ZNF527: variants seen among roughly 807,000 people sequenced by gnomAD.
ZNF527 encodes the protein zinc finger protein 527.
ZNF527 carries 5 observed loss-of-function variants against 13.5 expected under a neutral mutation model. The ratio of observed to expected loss-of-function variants is 0.37; its 90% CI spans 0.19 to 0.78. The LOEUF (loss-of-function observed/expected upper bound fraction) is 0.78, where lower values mean the gene tolerates loss of function less well. Among genes scored for constraint, ZNF527 ranks in the 30% least tolerant of loss-of-function variants. The pLI is 0.48. For synonymous variants in ZNF527, 209 were observed against 243.1 expected (o/e 0.86, Z 1.30); for missense variants, 628 against 726.4 (o/e 0.86, Z 1.56).
In ZNF527 at chr19:37,392,052, ATATT is replaced by A. The variant is rs1446615209; in HGVS notation, c.*2174_*2177del. ...AAAATCTGAAAATTATTTTTCATAAATATTCAAATTCCCTTTAAACAGCTTAAAA... is the reference window on the plus strand; with the variant it reads ...AAAATCTGAAAATTATTTTTCATAAACAAATTCCCTTTAAACAGCTTAAAA... On this transcript the variant is annotated 3_prime_UTR_variant, in exon 5 of 5. Transcript: ENST00000436120. The A allele has an allele frequency of 5.3e-5, 8 of 152,220 alleles. No individual in the cohort carries two copies. The highest frequency in any genetic ancestry group is 1.0e-4 in the Non-Finnish European group (7 of 68,042). The allele number at this position is 152,220 out of a possible 1,614,324, so 9.4% of individuals were successfully genotyped here. A position where few individuals can be genotyped will look rare whatever the true frequency, so the allele number is the denominator to read the frequency against.
In ZNF527 at chr19:37,389,205, T is replaced by C; in HGVS notation, c.1156T>C (p.Tyr386His). ...GAGAATTCACACAGGTGAGAAACCA[T>C]ATGAATGTAAAGAATGTAATAAAGC... Reference protein sequence around the residue: ...HQRIHTGEKPYECKECNKAFR... With the variant: ...HQRIHTGEKPHECKECNKAFR... Residue 386 changes from tyrosine to histidine, a missense_variant, in exon 5 of 5, where the codon TAT becomes CAT. Physicochemically the swap from Tyr to His is moderately conservative, Grantham distance 83 (BLOSUM62 2). Transcript: ENST00000436120. 1.9e-6 allele frequency: 3 copies of C among 1,614,166 alleles called. No individual in the cohort carries two copies. Among genetic ancestry groups the C allele is most frequent in the Non-Finnish European group, 8.5e-7 (1 of 1,180,030 alleles).
chr19:37,375,947 A>C (rs1370382742), intron 2 of ZNF527, among the ~76,000 whole-genome samples: 1 of 152,200 alleles, frequency 6.6e-6, no homozygotes, highest in African/African-American at 2.4e-5. Flanking sequence ...CTGAGAACTC[A>C]CCGTTGGATT....
intron 2 of ZNF527, among the ~76,000 whole-genome samples, chr19:37,375,294 C>CT (rs1305545666): frequency 0.014 from 1,459 of 103,922 alleles, 13 homozygotes; most frequent in African/African-American, 0.027. Context: ...TTCTTTCTTT[C>CT]TTTCTTTCTT....
Position 37,380,293 on chromosome 19 carries a change from G to T in ZNF527, c.177G>T (p.Lys59Asn). The T allele has an allele frequency of 6.2e-7, 1 of 1,614,012 alleles. No homozygotes were observed. Among genetic ancestry groups the T allele is most frequent in the Non-Finnish European group, 8.5e-7 (1 of 1,179,950 alleles). Residue 59 changes from lysine to asparagine, a missense_variant, in exon 4 of 5, where the codon AAG becomes AAT. Physicochemically the swap from Lys to Asn is moderately conservative, Grantham distance 94. Coordinates refer to ENST00000436120, the MANE Select transcript of ZNF527 (RefSeq NM_032453.2). ...NLVWLGLSIS[K>N]PNMISLLEQG... ...TGTGAACAGGACTCTCCATTTCTAAGCCCAACATGATCTCCTTACTGGAGC... is the reference window on the plus strand; with the variant it reads ...TGTGAACAGGACTCTCCATTTCTAATCCCAACATGATCTCCTTACTGGAGC...
chr19:37,374,637 A>C (rs2040584715), intron 2 of ZNF527, among the ~76,000 whole-genome samples: 1 of 152,174 alleles, frequency 6.6e-6, no homozygotes, highest in Admixed American at 6.5e-5. Context: ...AAGGAGTACA[A>C]AGTTATTATG....
chr19:37,374,138 C>T lies in ZNF527; in HGVS notation c.-41-20C>T. On this transcript the variant is annotated intron_variant, in intron 1 of 4. Coordinates refer to ENST00000436120, the MANE Select transcript of ZNF527 (RefSeq NM_032453.2). Reference sequence around the variant, plus strand: ...CAGGGCTGGCACATCATCATTTCTTCATTAACTCTCCCTTCTCAGGACTTT... The same window carrying T: ...CAGGGCTGGCACATCATCATTTCTTTATTAACTCTCCCTTCTCAGGACTTT... 1 of 1,535,676 alleles carries T rather than the reference C, an allele frequency of 6.5e-7. No individual in the cohort carries two copies. The highest frequency in any genetic ancestry group is 9.0e-7 in the Non-Finnish European group (1 of 1,109,230).
chr19:37,373,174 G>C (rs2040572636), intron 1 of ZNF527, among the ~76,000 whole-genome samples: 1 of 152,178 alleles, frequency 6.6e-6, no homozygotes. Flanking sequence ...ATGAGATAAT[G>C]ACACAATGAG....
chr19:37,389,710 A>T lies in ZNF527; in HGVS notation c.1661A>T (p.Tyr554Phe). 2 of 1,613,802 alleles carry T rather than the reference A, an allele frequency of 1.2e-6. No individual in the cohort carries two copies. The highest frequency in any genetic ancestry group is 1.7e-6 in the Non-Finnish European group (2 of 1,179,946). The stretch of plus-strand genomic sequence containing the variant: ...AGAATTCATACTGGAGAGAAACCCT[A>T]TGAATGTAGTGAATGTGGGAAGGCT... ...HQRIHTGEKP[Y>F]ECSECGKAFH... The change falls in exon 5 of 5, where the codon TAT (tyrosine) becomes TTT (phenylalanine). Residue 554 changes from tyrosine (Y) to phenylalanine (F), a missense_variant. Tyr to Phe is a conservative substitution (Grantham distance 22). This residue lies in a region of ZNF527 where 592 missense variants were observed against 678.0 expected (regional missense o/e 0.87). Coordinates refer to ENST00000436120, the MANE Select transcript of ZNF527 (RefSeq NM_032453.2).
chr19:37,380,886 C>T (rs1307431967), intron 4 of ZNF527, among the ~76,000 whole-genome samples: 2 of 152,008 alleles, frequency 1.3e-5, no homozygotes, highest in Non-Finnish European at 2.9e-5. Flanking sequence ...TTTTGGTGTT[C>T]CCTTCATGTC....
rs1417067535 is a variant in ZNF527 at position 37,392,343 on chromosome 19, C to G, written c.*2464C>G. Reference sequence around the variant, plus strand: ...TTACCAAACTTGAAGAAGAATGACTCAGATCAGTAAGAAGAGTCTGAGTTA... The same window carrying G: ...TTACCAAACTTGAAGAAGAATGACTGAGATCAGTAAGAAGAGTCTGAGTTA... On this transcript the variant is annotated 3_prime_UTR_variant, in exon 5 of 5. Transcript: ENST00000436120. 1 of 152,102 alleles carries G rather than the reference C, an allele frequency of 6.6e-6. No homozygotes were observed. Among genetic ancestry groups the G allele is most frequent in the African/African-American group, 2.4e-5 (1 of 41,412 alleles). 9.4% of individuals were successfully genotyped at this position (152,102 alleles called of 1,614,324 possible).
intron 4 of ZNF527, chr19:37,385,096 G>A (rs907105312): frequency 2.1e-5 from 10 of 482,964 alleles, no homozygotes; most frequent in Non-Finnish European, 3.7e-5. Context: ...AAACTGTTGG[G>A]ATTACTGGCA....
chr19:37,373,707 C>A (rs1191038143), intron 1 of ZNF527, among the ~76,000 whole-genome samples: 1 of 152,126 alleles, frequency 6.6e-6, no homozygotes, highest in Non-Finnish European at 1.5e-5. Flanking sequence ...GAAGGGACAC[C>A]TGAATGCAGA....
chr19:37,374,452 T>C (rs546406255), intron 2 of ZNF527, among the ~76,000 whole-genome samples: 91 of 152,284 alleles, frequency 6.0e-4, no homozygotes, highest in African/African-American at 2.2e-3. Context: ...TGGATGATGA[T>C]TTGTTGAGTC....
intron 1 of ZNF527, among the ~76,000 whole-genome samples, chr19:37,372,541 C>T (rs1048950849): frequency 2.3e-5 from 3 of 132,520 alleles, no homozygotes; most frequent in Non-Finnish European, 4.6e-5. Context: ...GGTGCAATCT[C>T]GGCTCACAGC....
Position 37,388,746 on chromosome 19 carries a change from C to A in ZNF527, c.697C>A (p.Leu233Ile). 1 of 1,612,776 alleles carries A rather than the reference C, an allele frequency of 6.2e-7. No individual in the cohort carries two copies. The highest frequency in any genetic ancestry group is 8.5e-7 in the Non-Finnish European group (1 of 1,179,752). The change falls in exon 5 of 5, where the codon CTT (leucine) becomes ATT (isoleucine). Residue 233 changes from leucine to isoleucine, a missense_variant. Leu to Ile is a conservative substitution (Grantham distance 5). Coordinates refer to ENST00000436120, the MANE Select transcript of ZNF527 (RefSeq NM_032453.2). ...ECEEFNQSTY[L>I]SKDIGIPPGE... ...TGAAGAATTCAACCAGAGTACGTAC[C>A]TTAGTAAAGATATAGGAATTCCTCC...
intron 4 of ZNF527, chr19:37,385,211 G>T: frequency 4.3e-6 from 2 of 460,872 alleles, no homozygotes; most frequent in Non-Finnish European, 7.6e-6. Context: ...TGTTTTAGTT[G>T]TTTTTTCTCA....
chr19:37,379,440 C>G, intron 3 of ZNF527, 194 bp downstream of exon 3: 1 of 395,756 alleles, frequency 2.5e-6, no homozygotes, highest in Non-Finnish European at 4.3e-6. Context: ...GGCAGACATT[C>G]TGAACACATG....
At chr19:37,374,674 G>T (rs1311396554) in intron 2 of ZNF527, among the ~76,000 whole-genome samples, 1 of 152,230 alleles carries the variant, frequency 6.6e-6, no homozygotes, top group Non-Finnish European at 1.5e-5. Context: ...TGTATTCCAG[G>T]AATAGCAATG....
intron 3 of ZNF527, 85 bp from the exon 4 acceptor site, chr19:37,380,192 G>A: frequency 2.6e-6 from 4 of 1,556,152 alleles, no homozygotes; most frequent in Non-Finnish European, 3.5e-6. Flanking sequence ...TATTGGGTCT[G>A]CGTCCTAGAC....
Sources: gnomAD v4.1 joint callset for allele counts (sites outside exome capture counted in the v4.1 genomes callset) on GRCh38, gnomAD v4.1.1 for gene constraint, gnomAD v4.1.1 regional missense constraint, MANE v1.5 for transcripts, NCBI Gene and HGNC (gene_info 2026-07-23, HGNC 2026-07-21) for gene names.